DLAT: variants seen among roughly 807,000 people sequenced by gnomAD.
The protein encoded by DLAT is dihydrolipoamide S-acetyltransferase.
DLAT carries 43 observed loss-of-function variants against 68.0 expected under a neutral mutation model. The observed-to-expected ratio is 0.63, with a 90% confidence interval of 0.50 to 0.81. DLAT has a LOEUF of 0.81. DLAT is among the 40% of genes least tolerant of loss of function. DLAT has a pLI of 0.00. For synonymous variants in DLAT, 265 were observed against 288.6 expected (o/e 0.92, Z 0.83); for missense variants, 745 against 815.4 (o/e 0.91, Z 1.05).
At chr11:112,061,310 A>G (rs1864607021) in intron 13 of DLAT, 136 bp downstream of exon 13, 7 of 846,062 alleles carry the variant, frequency 8.3e-6, no homozygotes, top group Non-Finnish European at 1.4e-5. Context: ...CCCTGATATG[A>G]TATGATGTAA....
chr11:112,026,167 A>C, intron 1 of DLAT, 31 bp from the exon 2 acceptor site: 2 of 1,541,996 alleles, frequency 1.3e-6, no homozygotes, highest in Non-Finnish European at 1.8e-6. Context: ...AGTCCTTAAA[A>C]ATTTTAATGT....
rs184232692 is a variant in DLAT, at chr11:112,041,775, G to A, written c.1130-1691G>A. ...CAGGCGCCTGTGGTCCCAGCTACTC[G>A]GGAGGCTGAGGCAGGAGAATGGCGT... On this transcript the variant is annotated intron_variant, in intron 7 of 13. Coordinates refer to ENST00000280346, the MANE Select transcript of DLAT (RefSeq NM_001931.5). 3.5e-3 allele frequency among the ~76,000 whole-genome samples: 531 copies of A among 152,132 alleles called. 9 individuals carry two copies. The highest frequency in any genetic ancestry group is 0.024 in the Middle Eastern group (7 of 294).
At chr11:112,036,141 G>GTA (rs1227067864) in intron 5 of DLAT, among the ~76,000 whole-genome samples, 1,408 of 134,352 alleles carry the variant, frequency 0.01, 22 homozygotes, top group African/African-American at 0.034. Context: ...ATATGTGTGT[G>GTA]TATATATATA....
In DLAT at chr11:112,061,231, GTCCTGTGGTA is replaced by G; in HGVS notation, c.1814+62_1814+71del. The G allele has an allele frequency of 8.1e-6, 13 of 1,599,790 alleles. No individual in the cohort carries two copies. The South Asian group carries it at 1.4e-4, about 18-fold the overall frequency. On this transcript the variant is annotated intron_variant, in intron 13 of 13. Transcript: ENST00000280346. ...CTAATTTTTATTACACTGTACACTT[GTCCTGTGGTA>G]TCCTCAGGGGATTGGCTCCAGGAAC...
intron 2 of DLAT, among the ~76,000 whole-genome samples, chr11:112,026,973 CGGCTGGCTGGGCGGGG>C (rs1862064211): frequency 6.7e-6 from 1 of 149,606 alleles, no homozygotes; most frequent in Non-Finnish European, 1.5e-5. Flanking sequence ...CCGGACGGGG[CGGCTGGCTGGGCGGGG>C]GGCTGGCCCC....
chr11:112,041,563 G>A (rs782561502), intron 7 of DLAT, among the ~76,000 whole-genome samples: 2 of 152,166 alleles, frequency 1.3e-5, no homozygotes, highest in Non-Finnish European at 2.9e-5. Context: ...ATGGGAAAGA[G>A]TTTAGCATGT....
chr11:112,043,440 G>T (rs1555181160), intron 7 of DLAT, 26 bp from the exon 8 acceptor site: 5 of 1,602,836 alleles, frequency 3.1e-6, no homozygotes, highest in Non-Finnish European at 4.3e-6. Context: ...ATGTCATCAT[G>T]TATGTGATAT....
chr11:112,029,576 C>T (rs1391932882), intron 4 of DLAT, among the ~76,000 whole-genome samples: 3 of 151,986 alleles, frequency 2.0e-5, no homozygotes, highest in Non-Finnish European at 2.9e-5. Context: ...AAGCCATTCA[C>T]GAGGGATCCT....
At chr11:112,037,583 GTTTA>G in intron 6 of DLAT, 123 bp downstream of exon 6, 1 of 958,610 alleles carries the variant, frequency 1.0e-6, no homozygotes, top group Non-Finnish European at 1.6e-6. Context: ...GAGGGAGATA[GTTTA>G]TTAACATTTG....
chr11:112,063,401 A>C lies in DLAT; in HGVS notation c.*866A>C, dbSNP rs1864757201. 1 of 152,598 alleles carries C rather than the reference A, an allele frequency of 6.6e-6. No homozygotes were observed. Among genetic ancestry groups the C allele is most frequent in the African/African-American group, 2.4e-5 (1 of 41,442 alleles). The allele number at this position is 152,598 out of a possible 1,614,324, so 9.5% of individuals were successfully genotyped here. ...AACAGAATTTATGACTCCACTGTGG[A>C]AAATGCTATCAAATAACTAAGGAAT... On this transcript the variant is annotated 3_prime_UTR_variant, in exon 14 of 14. Transcript: ENST00000280346.
At chr11:112,026,833 A>G (rs1484180220) in intron 2 of DLAT, among the ~76,000 whole-genome samples, 1 of 151,738 alleles carries the variant, frequency 6.6e-6, no homozygotes, top group Non-Finnish European at 1.5e-5. Flanking sequence ...TGTTGGGTAC[A>G]CCTCCCAGAC....
In DLAT at chr11:112,051,392, T is replaced by C; in HGVS notation, c.1514+43T>C. 1 of 1,408,032 alleles carries C rather than the reference T, an allele frequency of 7.1e-7. No homozygotes were observed. Among genetic ancestry groups the C allele is most frequent in the Non-Finnish European group, 1.0e-6 (1 of 994,844 alleles). The allele number at this position is 1,408,032 out of a possible 1,614,324, so 87.2% of individuals were successfully genotyped here. A position where few individuals can be genotyped will look rare whatever the true frequency, so the allele number is the denominator to read the frequency against. On this transcript the variant is annotated intron_variant, in intron 11 of 13. Coordinates refer to ENST00000280346, the MANE Select transcript of DLAT (RefSeq NM_001931.5). The surrounding 1 kb of genome is among the most constrained non-coding windows in gnomAD (Gnocchi z 4.3). ...AGATATATATCCATCGGTAGTTTTCTTGTATTATTTAATGTGTGAGTGGAG... is the reference window on the plus strand; with the variant it reads ...AGATATATATCCATCGGTAGTTTTCCTGTATTATTTAATGTGTGAGTGGAG...
At position 112,045,193 on chromosome 11, in the gene DLAT, G is replaced by C. The variant is rs782786806; in HGVS notation, c.1253G>C (p.Gly418Ala). 2 of 1,614,108 alleles carry C rather than the reference G, an allele frequency of 1.2e-6. No individual in the cohort carries two copies. The change falls in exon 9 of 14, where the codon GGT becomes GCT. Residue 418 changes from glycine (G) to alanine (A), a missense_variant. Transcript: ENST00000280346. Reference sequence around the variant, plus strand: ...CCTGGAATGGCACCAGTTCCTACAGGTGTCTTCACAGATATCCCAATCAGC... The same window carrying C: ...CCTGGAATGGCACCAGTTCCTACAGCTGTCTTCACAGATATCCCAATCAGC... Reference protein sequence around the residue: ...TGPGMAPVPTGVFTDIPISNI... With the variant: ...TGPGMAPVPTAVFTDIPISNI...
At chr11:112,044,586 A>G (rs1315450774) in intron 8 of DLAT, among the ~76,000 whole-genome samples, 1 of 152,178 alleles carries the variant, frequency 6.6e-6, no homozygotes, top group Non-Finnish European at 1.5e-5. Flanking sequence ...AAACAAAATT[A>G]TTTTGACACA....
intron 11 of DLAT, among the ~76,000 whole-genome samples, chr11:112,055,706 A>T (rs12791362): frequency 4.6e-5 from 7 of 151,888 alleles, no homozygotes; most frequent in African/African-American, 1.7e-4. Flanking sequence ...TGCTATGGCC[A>T]CCGTGATGAT....
intron 2 of DLAT, among the ~76,000 whole-genome samples, chr11:112,027,067 G>T (rs1322392305): frequency 1.3e-5 from 2 of 151,866 alleles, no homozygotes; most frequent in African/African-American, 2.4e-5. Flanking sequence ...CCCGGACGGG[G>T]TGGCTGCCGG....
Position 112,064,358 on chromosome 11 carries a change from T to C in DLAT, c.*1823T>C, listed in dbSNP as rs1158001514. 4 of 698,026 alleles carry C rather than the reference T, an allele frequency of 5.7e-6. No individual in the cohort carries two copies. The highest frequency in any genetic ancestry group is 5.5e-5 in the African/African-American group (3 of 55,040). The allele number at this position is 698,026 out of a possible 1,614,324, so 43.2% of individuals were successfully genotyped here. A position where few individuals can be genotyped will look rare whatever the true frequency, so the allele number is the denominator to read the frequency against. On this transcript the variant is annotated 3_prime_UTR_variant, in exon 14 of 14. Coordinates refer to ENST00000280346, the MANE Select transcript of DLAT (RefSeq NM_001931.5). ...TTAGAAATAGTGTTTTTGGTTCATA[T>C]GATTATTTAAAAATTAAAGTATAAA...
chr11:112,041,799 G>A (rs782655879), intron 7 of DLAT, among the ~76,000 whole-genome samples: 10 of 152,100 alleles, frequency 6.6e-5, no homozygotes, highest in Non-Finnish European at 1.3e-4. Flanking sequence ...GGAGAATGGC[G>A]TGAACCTGGG....
chr11:112,055,159 G>A (rs1384030827), intron 11 of DLAT, among the ~76,000 whole-genome samples: 2 of 151,446 alleles, frequency 1.3e-5, no homozygotes, highest in Admixed American at 6.6e-5. Flanking sequence ...CTACTGACTC[G>A]TGGAGAGTTT....
Sources: allele counts gnomAD v4.1 joint callset (sites outside exome capture counted in the v4.1 genomes callset), GRCh38; gene constraint gnomAD v4.1.1; non-coding constraint Gnocchi (gnomAD v3.1); transcripts MANE v1.5; gene names NCBI Gene and HGNC (gene_info 2026-07-23, HGNC 2026-07-21).